Variants in SAP130 observed in about 807,000 individuals in gnomAD.
SAP130 encodes the protein histone deacetylase complex subunit SAP130.
SAP130 carries 16 observed loss-of-function variants against 103.2 expected under a neutral mutation model. That is an observed-to-expected ratio of 0.16 (90% CI 0.10 to 0.24). The LOEUF (loss-of-function observed/expected upper bound fraction) is 0.24, where lower values mean the gene tolerates loss of function less well. SAP130 is among the 10% of genes least tolerant of loss of function. The pLI is 1.00. For missense variants in SAP130, 990 were observed against 1,359.7 expected, an observed-to-expected ratio of 0.73 and a Z score of 4.28; for synonymous variants, 477 against 497.0, an observed-to-expected ratio of 0.96 and a Z score of 0.53.
rs1183310799 is a variant in SAP130, at chr2:127,996,053, G to C, written c.1355+297C>G. ...TCTTTACTCTTCCGTGCTACAAATG[G>C]AGGTACTTACGGATAAATGGTCATA... On this transcript the variant is annotated intron_variant, in intron 11 of 20. Coordinates refer to ENST00000643581, the MANE Select transcript of SAP130 (RefSeq NM_001330301.2). The surrounding 1 kb of genome is among the most constrained non-coding windows in gnomAD (Gnocchi z 4.3). 6.6e-6 allele frequency among the ~76,000 whole-genome samples: 1 copy of C among 152,126 alleles called. No homozygotes were observed. The highest frequency in any genetic ancestry group is 1.5e-5 in the Non-Finnish European group (1 of 68,028).
At chr2:128,009,787 T>G (rs1009824721) in intron 7 of SAP130, among the ~76,000 whole-genome samples, 1 of 152,170 alleles carries the variant, frequency 6.6e-6, no homozygotes, top group Non-Finnish European at 1.5e-5. Flanking sequence ...TCACTGGTGG[T>G]CCTTATAAGT....
At chr2:128,023,548 G>T (rs1007872757) in intron 2 of SAP130, among the ~76,000 whole-genome samples, 1 of 152,170 alleles carries the variant, frequency 6.6e-6, no homozygotes, top group Non-Finnish European at 1.5e-5. Context: ...GGGAGGCTGA[G>T]GCGGGCAGAT....
intron 2 of SAP130, 45 bp from the exon 3 acceptor site, chr2:128,017,960 G>A (rs1178859678): frequency 6.7e-7 from 1 of 1,484,800 alleles, no homozygotes; most frequent in South Asian, 1.2e-5. Flanking sequence ...CAGTCTCCCA[G>A]TGTAAGATAG....
chr2:127,957,535 G>A (rs181770689), intron 15 of SAP130, among the ~76,000 whole-genome samples: 14 of 152,184 alleles, frequency 9.2e-5, no homozygotes, highest in East Asian at 3.9e-4. Flanking sequence ...CTAGCTGGGC[G>A]TGGTGGTGTA....
chr2:127,945,611 A>G (rs759691176), intron 18 of SAP130, 52 bp from the exon 19 acceptor site: 36 of 1,134,556 alleles, frequency 3.2e-5, no homozygotes, highest in Non-Finnish European at 4.4e-5. Context: ...AAAAAGGTAA[A>G]TGATTTGTGT....
intron 2 of SAP130, among the ~76,000 whole-genome samples, 199 bp from the exon 3 acceptor site, chr2:128,018,114 T>C (rs1019913863): frequency 2.6e-5 from 4 of 152,170 alleles, no homozygotes; most frequent in Admixed American, 6.5e-5. Flanking sequence ...CTGTGGAATA[T>C]AGAATTTATT....
At chr2:127,994,205 G>A (rs1683020463) in intron 11 of SAP130, among the ~76,000 whole-genome samples, 1 of 152,216 alleles carries the variant, frequency 6.6e-6, no homozygotes, top group Admixed American at 6.5e-5. Flanking sequence ...TTCGACAGCA[G>A]TCAATAGTTA....
chr2:127,996,712 T>A lies in SAP130; in HGVS notation c.1214-221A>T, dbSNP rs1013498837. Among the ~76,000 whole-genome samples the A allele has an allele frequency of 6.6e-6, 1 of 152,188 alleles. No individual in the cohort carries two copies. Among genetic ancestry groups the A allele is most frequent in the Non-Finnish European group, 1.5e-5 (1 of 68,030 alleles). Reference sequence around the variant, plus strand: ...CTGTTATTAAAGCAGGGTTCAACATTAATACTGAAACAAAGATAGAAGTGA... The same window carrying A: ...CTGTTATTAAAGCAGGGTTCAACATAAATACTGAAACAAAGATAGAAGTGA... On this transcript the variant is annotated intron_variant, in intron 10 of 20. Coordinates refer to ENST00000643581, the MANE Select transcript of SAP130 (RefSeq NM_001330301.2). This position sits in a 1 kb window ranked among gnomAD's most constrained non-coding sequence, Gnocchi z 4.3.
At chr2:127,949,375 C>A (rs539386589) in intron 18 of SAP130, among the ~76,000 whole-genome samples, 20 of 152,288 alleles carry the variant, frequency 1.3e-4, no homozygotes, top group Admixed American at 2.0e-4. Context: ...CAGGTTCCAC[C>A]AGAACAACAG....
At chr2:128,027,478 A>C in intron 1 of SAP130, 3 of 939,614 alleles carry the variant, frequency 3.2e-6, no homozygotes, top group Non-Finnish European at 2.5e-6. Flanking sequence ...GGCTGAGCCA[A>C]TGGCAGAGGA....
chr2:127,967,190 G>A (rs1680715578), intron 15 of SAP130, among the ~76,000 whole-genome samples: 1 of 152,170 alleles, frequency 6.6e-6, no homozygotes, highest in African/African-American at 2.4e-5. Context: ...TCTGTTGTGT[G>A]ACACCGTGCC....
intron 15 of SAP130, among the ~76,000 whole-genome samples, chr2:127,971,943 C>T (rs1364576914): frequency 2.0e-5 from 3 of 152,002 alleles, no homozygotes; most frequent in African/African-American, 7.2e-5. Context: ...TTTTTTGTTA[C>T]TCATCAGTGA....
chr2:128,017,973 G>A, intron 2 of SAP130, 58 bp from the exon 3 acceptor site: 1 of 1,381,876 alleles, frequency 7.2e-7, no homozygotes, highest in Non-Finnish European at 1.0e-6. Flanking sequence ...TAAGATAGCA[G>A]CACAGACAAG....
chr2:128,028,044 G>A lies in SAP130; in HGVS notation c.-111C>T, dbSNP rs372154807. 6.5e-6 allele frequency: 6 copies of A among 928,482 alleles called. No individual in the cohort carries two copies. The highest frequency in any genetic ancestry group is 5.0e-5 in the South Asian group (1 of 20,098). The allele number at this position is 928,482 out of a possible 1,614,324, so 57.5% of individuals were successfully genotyped here. A position where few individuals can be genotyped will look rare whatever the true frequency, so the allele number is the denominator to read the frequency against. Reference sequence around the variant, plus strand: ...AGGCTCCGGACCCGCAGCCACCGCCGGGGAGCTAGCACTCTGCCCCCCACC... The same window carrying A: ...AGGCTCCGGACCCGCAGCCACCGCCAGGGAGCTAGCACTCTGCCCCCCACC... On this transcript the variant is annotated 5_prime_UTR_variant, in exon 1 of 21. Transcript: ENST00000643581.
In SAP130 at chr2:127,964,924, G is replaced by A. The variant is rs557561372; in HGVS notation, c.2064-9580C>T. 2.6e-5 allele frequency among the ~76,000 whole-genome samples: 4 copies of A among 152,016 alleles called. No individual in the cohort carries two copies. In the South Asian group the frequency reaches 6.2e-4, roughly 24 times the overall value. ...TGAGACACAAGAATCACTTGAACCC[G>A]GGAGGCGGAAGTTGCAGTGAGCCGA... is the stretch of plus-strand genomic sequence containing the variant. On this transcript the variant is annotated intron_variant, in intron 15 of 20. Transcript: ENST00000643581.
chr2:127,971,320 C>T (rs1681075330), intron 15 of SAP130, among the ~76,000 whole-genome samples: 1 of 140,692 alleles, frequency 7.1e-6, no homozygotes, highest in Non-Finnish European at 1.5e-5. Context: ...GAGTCTCGCT[C>T]TGTCACCCAG....
In SAP130 at chr2:127,989,751, A is replaced by G. The variant is rs1449012763; in HGVS notation, c.1593T>C (p.His531=). ...LMTVDASHAR[H]IQGIQPAPIS... The stretch of plus-strand genomic sequence containing the variant: ...TGGGTGCTGGCTGGATCCCTTGAAT[A>G]TGTCGAGCATGCGATGCATCCACTG... The change falls in exon 13 of 21, where the codon CAT becomes CAC. Residue 531 remains histidine (H), a synonymous_variant. Coordinates refer to ENST00000643581, the MANE Select transcript of SAP130 (RefSeq NM_001330301.2). This position sits in a 1 kb window ranked among gnomAD's most constrained non-coding sequence, Gnocchi z 4.6. 1 of 1,614,198 alleles carries G rather than the reference A, an allele frequency of 6.2e-7. No homozygotes were observed. Among genetic ancestry groups the G allele is most frequent in the South Asian group, 1.1e-5 (1 of 91,090 alleles).
chr2:127,990,339 C>A (rs1178385088), intron 12 of SAP130, among the ~76,000 whole-genome samples: 1 of 151,078 alleles, frequency 6.6e-6, no homozygotes, highest in East Asian at 1.9e-4. Flanking sequence ...ACAAGGCAAA[C>A]ACCCCATCTA....
intron 13 of SAP130, among the ~76,000 whole-genome samples, chr2:127,988,134 T>C (rs535433055): frequency 1.3e-5 from 2 of 152,200 alleles, no homozygotes; most frequent in Non-Finnish European, 2.9e-5. Context: ...TTAAAATTCA[T>C]AGCTCCAGCC....
Sources: allele counts gnomAD v4.1 joint callset (sites outside exome capture counted in the v4.1 genomes callset), GRCh38; gene constraint gnomAD v4.1.1; non-coding constraint Gnocchi (gnomAD v3.1); transcripts MANE v1.5; gene names NCBI Gene and HGNC (gene_info 2026-07-23, HGNC 2026-07-21).